CDH18: variants seen among roughly 807,000 people sequenced by gnomAD.
CDH18 encodes the protein cadherin-18.
CDH18 carries 31 observed loss-of-function variants against 67.9 expected under a neutral mutation model. The ratio of observed to expected loss-of-function variants is 0.46; its 90% CI spans 0.34 to 0.62. The LOEUF (loss-of-function observed/expected upper bound fraction) is 0.62. Among genes scored for constraint, CDH18 ranks in the 20% least tolerant of loss-of-function variants. The pLI is 0.01. For missense variants in CDH18, 890 were observed against 975.5 expected (o/e 0.91, Z 1.17); for synonymous variants, 362 against 347.2 (o/e 1.04, Z -0.48).
At chr5:19,867,196 A>C (rs185791825) in intron 2 of CDH18, among the ~76,000 whole-genome samples, 14 of 152,322 alleles carry the variant, frequency 9.2e-5, no homozygotes, top group African/African-American at 3.1e-4. Context: ...CAGACTACTA[A>C]AATTGATAAC....
chr5:20,273,093 T>C (rs1745557176), intron 1 of CDH18, among the ~76,000 whole-genome samples: 1 of 152,130 alleles, frequency 6.6e-6, no homozygotes, highest in Non-Finnish European at 1.5e-5. Flanking sequence ...TTCATATATT[T>C]GCAACTGTCC....
At chr5:19,857,664 A>C (rs555498967) in intron 2 of CDH18, among the ~76,000 whole-genome samples, 18 of 152,142 alleles carry the variant, frequency 1.2e-4, no homozygotes, top group African/African-American at 4.3e-4. Context: ...ATGATAAATA[A>C]GTATATAAAC....
At chr5:20,369,563 C>T (rs1342147114) in intron 1 of CDH18, among the ~76,000 whole-genome samples, 2 of 152,164 alleles carry the variant, frequency 1.3e-5, no homozygotes, top group African/African-American at 4.8e-5. Flanking sequence ...AATACCACCG[C>T]AGTTGTTCCC....
chr5:20,095,060 AAAAC>A (rs989735259), intron 2 of CDH18, among the ~76,000 whole-genome samples: 1 of 152,010 alleles, frequency 6.6e-6, no homozygotes, highest in Non-Finnish European at 1.5e-5. Context: ...CAGGGACAGA[AAAAC>A]AAACACCACA....
chr5:20,172,581 C>T (rs1736917933), intron 2 of CDH18, among the ~76,000 whole-genome samples: 1 of 151,668 alleles, frequency 6.6e-6, no homozygotes, highest in African/African-American at 2.4e-5. Context: ...TTCTGCTCAA[C>T]TTGCCACTGT....
intron 1 of CDH18, among the ~76,000 whole-genome samples, chr5:20,329,365 A>G (rs990001756): frequency 6.6e-6 from 1 of 152,202 alleles, no homozygotes; most frequent in African/African-American, 2.4e-5. Flanking sequence ...TGTTTGATCA[A>G]ACTAGACATG....
chr5:20,411,492 A>G (rs1056874678), intron 1 of CDH18, among the ~76,000 whole-genome samples: 3 of 152,132 alleles, frequency 2.0e-5, no homozygotes, highest in Admixed American at 6.6e-5. Flanking sequence ...TAAAACTCTT[A>G]ACAGAAAGCA....
intron 5 of CDH18, among the ~76,000 whole-genome samples, chr5:19,622,406 C>T (rs889814038): frequency 2.0e-5 from 3 of 152,192 alleles, no homozygotes; most frequent in South Asian, 2.1e-4. Context: ...ATGCTACTAT[C>T]GCTACCATTT....
intron 2 of CDH18, among the ~76,000 whole-genome samples, chr5:20,247,395 T>G (rs765782191): frequency 3.9e-5 from 6 of 152,162 alleles, no homozygotes; most frequent in Non-Finnish European, 7.3e-5. Context: ...GTAAAGACAC[T>G]TTCCTTGATA....
At chr5:19,858,062 T>C (rs1784493291) in intron 2 of CDH18, among the ~76,000 whole-genome samples, 1 of 152,180 alleles carries the variant, frequency 6.6e-6, no homozygotes, top group South Asian at 2.1e-4. Flanking sequence ...TCCTGGCTTA[T>C]TCATTGCCGA....
chr5:19,679,688 C>T (rs943701096), intron 5 of CDH18, among the ~76,000 whole-genome samples: 5 of 151,848 alleles, frequency 3.3e-5, no homozygotes, highest in African/African-American at 1.2e-4. Flanking sequence ...AATCCCATTT[C>T]TAGCAGCCAC....
chr5:19,706,483 C>T (rs187360927), intron 5 of CDH18, among the ~76,000 whole-genome samples: 52 of 152,292 alleles, frequency 3.4e-4, no homozygotes, highest in Admixed American at 3.2e-3. Context: ...GGAGTTAATC[C>T]TTGAGGATTG....
chr5:19,925,642 C>T (rs745763636), intron 2 of CDH18, among the ~76,000 whole-genome samples: 19 of 152,054 alleles, frequency 1.2e-4, no homozygotes, highest in Non-Finnish European at 2.2e-4. Context: ...TGCCTGCCAC[C>T]ACGCATGGTT....
chr5:19,473,551 T>G lies in CDH18; in HGVS notation c.2048A>C (p.Glu683Ala). 6.2e-7 allele frequency: 1 copy of G among 1,613,906 alleles called. No homozygotes were observed. The highest frequency in any genetic ancestry group is 8.5e-7 in the Non-Finnish European group (1 of 1,179,868). ...GATATCCCTCCGGTACTTGAGCTCC[T>G]CAGCAGCAGAAGGATTCCTCAAGGC... ...ITALRNPSAA[E>A]ELKYRRDIRP... The change falls in exon 13 of 13, where the codon GAG (glutamate) becomes GCG (alanine). Residue 683 changes from glutamate to alanine, a missense_variant. By Grantham distance (107) the Glu-to-Ala change is moderately radical (BLOSUM62 -1). Coordinates refer to ENST00000382275, the MANE Select transcript of CDH18 (RefSeq NM_004934.5).
At chr5:19,742,813 C>A (rs887350978) in intron 4 of CDH18, among the ~76,000 whole-genome samples, 3 of 151,906 alleles carry the variant, frequency 2.0e-5, no homozygotes, top group African/African-American at 7.3e-5. Context: ...TGATTCAAAA[C>A]TGAATTAATG....
At chr5:20,305,455 G>C (rs963768504) in intron 1 of CDH18, 7 of 1,476,654 alleles carry the variant, frequency 4.7e-6, no homozygotes, top group Admixed American at 1.7e-5. Flanking sequence ...CCATGTTTTC[G>C]AACCTCCTCA....
chr5:19,988,746 G>A (rs958322801), upstream of CDH18, among the ~76,000 whole-genome samples: 6 of 152,108 alleles, frequency 3.9e-5, no homozygotes, highest in Non-Finnish European at 8.8e-5. Flanking sequence ...AGTCGTCACA[G>A]CCTGCTAAAC....
chr5:20,389,708 G>A (rs1744666286), intron 1 of CDH18, among the ~76,000 whole-genome samples: 1 of 152,062 alleles, frequency 6.6e-6, no homozygotes, highest in Admixed American at 6.6e-5. Context: ...GAACAAAGCT[G>A]GAGGCATCAC....
At chr5:19,732,306 T>G (rs1767712633) in intron 4 of CDH18, among the ~76,000 whole-genome samples, 1 of 151,916 alleles carries the variant, frequency 6.6e-6, no homozygotes, top group Admixed American at 6.6e-5. Flanking sequence ...AATAAAAAAT[T>G]ATACAGATGT....
Sources: allele counts gnomAD v4.1 joint callset (sites outside exome capture counted in the v4.1 genomes callset), GRCh38; gene constraint gnomAD v4.1.1; transcripts MANE v1.5; gene names NCBI Gene and HGNC (gene_info 2026-07-23, HGNC 2026-07-21).